Variants in LRRIQ3 observed in about 807,000 individuals in gnomAD.
LRRIQ3 encodes leucine-rich repeat and IQ domain-containing protein 3.
In LRRIQ3, 75 loss-of-function variants were observed where a neutral mutation model predicts 59.3. The observed-to-expected ratio is 1.26, with a 90% confidence interval of 1.05 to 1.53. The LOEUF is 1.53. Among genes scored for constraint, LRRIQ3 ranks in the 40% most tolerant of loss-of-function variants. LRRIQ3 has a pLI of 0.00. For missense variants in LRRIQ3, 831 were observed against 710.0 expected, an observed-to-expected ratio of 1.17 and a Z score of -1.94; for synonymous variants, 250 against 231.3, an observed-to-expected ratio of 1.08 and a Z score of -0.73.
At chr1:74,104,875 T>C (rs1392487488) in intron 5 of LRRIQ3, among the ~76,000 whole-genome samples, 1 of 151,976 alleles carries the variant, frequency 6.6e-6, no homozygotes, top group East Asian at 1.9e-4. Context: ...TTTACCACTG[T>C]GGTGTAGGAT....
intron 5 of LRRIQ3, among the ~76,000 whole-genome samples, chr1:74,075,242 A>G (rs1646191694): frequency 6.6e-6 from 1 of 152,104 alleles, no homozygotes; most frequent in South Asian, 2.1e-4. Context: ...AAAGGAAGGG[A>G]GAAACGGGAC....
chr1:74,166,195 C>T (rs1648979741), intron 3 of LRRIQ3, among the ~76,000 whole-genome samples: 1 of 151,262 alleles, frequency 6.6e-6, no homozygotes, highest in Non-Finnish European at 1.5e-5. Flanking sequence ...GTATGTTTCT[C>T]TTTTGTGAAT....
chr1:74,103,868 T>C (rs1326222732), intron 5 of LRRIQ3, among the ~76,000 whole-genome samples: 2 of 151,734 alleles, frequency 1.3e-5, no homozygotes, highest in African/African-American at 2.4e-5. Context: ...TCTTGATGTA[T>C]GAAATTACAG....
chr1:74,049,745 A>G (rs1654307413), intron 6 of LRRIQ3, among the ~76,000 whole-genome samples: 1 of 152,130 alleles, frequency 6.6e-6, no homozygotes, highest in African/African-American at 2.4e-5. Flanking sequence ...ATTCAACGTC[A>G]TATTCAAATT....
At chr1:74,169,394 G>A (rs1036471905) in intron 3 of LRRIQ3, among the ~76,000 whole-genome samples, 1 of 152,148 alleles carries the variant, frequency 6.6e-6, no homozygotes, top group Non-Finnish European at 1.5e-5. Context: ...TACTGTTTAA[G>A]ATCCTGATTT....
Position 74,182,821 on chromosome 1 carries a change from T to C in LRRIQ3, c.290A>G (p.Lys97Arg). 6.4e-7 allele frequency: 1 copy of C among 1,562,902 alleles called. No individual in the cohort carries two copies. Among genetic ancestry groups the C allele is most frequent in the Non-Finnish European group, 8.7e-7 (1 of 1,154,356 alleles). The change falls in exon 3 of 8, where the codon AAG becomes AGG. Residue 97 changes from lysine (K) to arginine (R), a missense_variant. Coordinates refer to ENST00000354431, the MANE Select transcript of LRRIQ3 (RefSeq NM_001105659.2). The part of the protein sequence containing the change: ...LPNTKFWNGL[K>R]NLKLLYLHDN... ...ATGAAGATAGAGTAGTTTTAGGTTC[T>C]TCAATCCATTCCAAAATTTGGTATT...
chr1:74,172,941 A>G (rs1348848028), intron 3 of LRRIQ3, among the ~76,000 whole-genome samples: 1 of 152,082 alleles, frequency 6.6e-6, no homozygotes, highest in African/African-American at 2.4e-5. Flanking sequence ...CCCTTCACCA[A>G]TATGTGAGGA....
In LRRIQ3 at chr1:74,041,397, C is replaced by G; in HGVS notation, c.1534G>C (p.Ala512Pro). 3.7e-6 allele frequency: 6 copies of G among 1,613,688 alleles called. No individual in the cohort carries two copies. Among genetic ancestry groups the G allele is most frequent in the Non-Finnish European group, 5.1e-6 (6 of 1,179,876 alleles). Reference protein sequence around the residue: ...ALFLKEKSQKASERLLVQNLN... With the variant: ...ALFLKEKSQKPSERLLVQNLN... ...TTTTGAACTAATAAACGCTCTGAAGCCTTTTGGGATTTTTCTTTTAGAAAC... is the reference window on the plus strand; with the variant it reads ...TTTTGAACTAATAAACGCTCTGAAGGCTTTTGGGATTTTTCTTTTAGAAAC... Residue 512 changes from alanine to proline, a missense_variant, in exon 7 of 8, where the codon GCT (alanine) becomes CCT (proline). Ala to Pro is a conservative substitution (Grantham distance 27). Transcript: ENST00000354431.
chr1:74,125,758 A>G (rs943786485), intron 4 of LRRIQ3, among the ~76,000 whole-genome samples: 1 of 151,706 alleles, frequency 6.6e-6, no homozygotes, highest in East Asian at 1.9e-4. Flanking sequence ...GTTTGCTGTT[A>G]TTTTGTTGAG....
intron 3 of LRRIQ3, among the ~76,000 whole-genome samples, chr1:74,171,411 T>A (rs567825748): frequency 6.6e-6 from 1 of 152,186 alleles, no homozygotes; most frequent in Admixed American, 6.5e-5. Flanking sequence ...AATTGTGTGA[T>A]TTTTATTATT....
chr1:74,044,935 C>T (rs1249887346), intron 6 of LRRIQ3, among the ~76,000 whole-genome samples: 4 of 152,098 alleles, frequency 2.6e-5, no homozygotes, highest in Non-Finnish European at 5.9e-5. Context: ...CCTGAATAGA[C>T]CAATAACTAG....
At chr1:74,148,566 G>T (rs1271883006) in intron 4 of LRRIQ3, among the ~76,000 whole-genome samples, 1 of 152,140 alleles carries the variant, frequency 6.6e-6, no homozygotes, top group African/African-American at 2.4e-5. Context: ...CAGATAAAGA[G>T]ATGCATAGGG....
intron 5 of LRRIQ3, among the ~76,000 whole-genome samples, chr1:74,077,934 A>T (rs992871705): frequency 6.6e-6 from 1 of 152,014 alleles, no homozygotes; most frequent in Admixed American, 6.6e-5. Context: ...TCAATAACAG[A>T]AAGTATATTT....
chr1:74,060,164 C>T (rs751594378), intron 6 of LRRIQ3, among the ~76,000 whole-genome samples: 10 of 151,456 alleles, frequency 6.6e-5, no homozygotes, highest in South Asian at 2.1e-4. Context: ...CCTTCTTCTT[C>T]GTCGTCATCT....
intron 1 of LRRIQ3, 123 bp downstream of exon 1, chr1:74,197,873 G>A (rs1184028756): frequency 1.3e-5 from 3 of 224,098 alleles, no homozygotes; most frequent in Non-Finnish European, 2.7e-5. Flanking sequence ...GCTCCAGGCT[G>A]AAACAAACCA....
At chr1:74,167,741 G>T (rs2100692874) in intron 3 of LRRIQ3, among the ~76,000 whole-genome samples, 1 of 151,598 alleles carries the variant, frequency 6.6e-6, no homozygotes, top group East Asian at 1.9e-4. Flanking sequence ...AACAGCACCT[G>T]TTCCACAAAA....
At chr1:74,090,726 T>A (rs1223342248) in intron 5 of LRRIQ3, among the ~76,000 whole-genome samples, 1 of 151,218 alleles carries the variant, frequency 6.6e-6, no homozygotes, top group Non-Finnish European at 1.5e-5. Context: ...AAAAAAAAAG[T>A]ATAATAATAA....
At chr1:74,099,159 C>A (rs1424663823) in intron 5 of LRRIQ3, among the ~76,000 whole-genome samples, 3 of 151,902 alleles carry the variant, frequency 2.0e-5, no homozygotes, top group African/African-American at 7.3e-5. Flanking sequence ...AGACCACTAG[C>A]AAGACTAATA....
chr1:74,185,183 G>A (rs1436289852), intron 1 of LRRIQ3, among the ~76,000 whole-genome samples: 2 of 152,142 alleles, frequency 1.3e-5, no homozygotes, highest in Non-Finnish European at 2.9e-5. Context: ...GAGTTTGTTT[G>A]CTGAATCACA....
Sources: gnomAD v4.1 joint callset for allele counts (sites outside exome capture counted in the v4.1 genomes callset) on GRCh38, gnomAD v4.1.1 for gene constraint, MANE v1.5 for transcripts, NCBI Gene and HGNC (gene_info 2026-07-23, HGNC 2026-07-21) for gene names.